HNF4G: variants seen among roughly 807,000 people sequenced by gnomAD.
The protein encoded by HNF4G is hepatocyte nuclear factor 4 gamma.
In HNF4G, 21 loss-of-function variants were observed where a neutral mutation model predicts 50.9. The ratio of observed to expected loss-of-function variants is 0.41; its 90% CI spans 0.29 to 0.59. The LOEUF (loss-of-function observed/expected upper bound fraction) is 0.59, where lower values mean the gene tolerates loss of function less well. Ranked by LOEUF, HNF4G falls within the 20% of genes least tolerant of loss-of-function variation. The pLI, the probability that HNF4G is intolerant of heterozygous loss-of-function variation, is 0.26. For synonymous variants in HNF4G, 198 were observed against 185.6 expected (o/e 1.07, Z -0.54); for missense variants, 527 against 559.4 (o/e 0.94, Z 0.58).
intron 1 of HNF4G, among the ~76,000 whole-genome samples, chr8:75,444,926 G>A (rs1165290777): frequency 0.011 from 1,541 of 137,046 alleles, 10 homozygotes; most frequent in African/African-American, 0.034. Context: ...GCACCAAGCG[G>A]ACCTAATAGA....
chr8:75,516,726 T>G (rs1805897775), intron 2 of HNF4G, among the ~76,000 whole-genome samples: 1 of 152,226 alleles, frequency 6.6e-6, no homozygotes, highest in African/African-American at 2.4e-5. Context: ...TCATATATTT[T>G]GTAGCTCTTT....
intron 2 of HNF4G, among the ~76,000 whole-genome samples, chr8:75,525,369 C>T (rs138010560): frequency 0.011 from 1,665 of 152,224 alleles, 26 homozygotes; most frequent in African/African-American, 0.037. Context: ...GGGGTTTCAC[C>T]GCGTTAGCCA....
chr8:75,456,609 G>A (rs906264419), intron 1 of HNF4G, among the ~76,000 whole-genome samples: 1 of 151,986 alleles, frequency 6.6e-6, no homozygotes, highest in Non-Finnish European at 1.5e-5. Context: ...GAAAGGGTGA[G>A]AATGATAGTC....
intron 2 of HNF4G, among the ~76,000 whole-genome samples, chr8:75,519,098 A>T (rs1197386878): frequency 1.3e-5 from 2 of 152,166 alleles, no homozygotes; most frequent in African/African-American, 4.8e-5. Flanking sequence ...GGTGCCATAG[A>T]TCATTTCTCT....
chr8:75,456,054 A>G (rs1024804815), intron 1 of HNF4G, among the ~76,000 whole-genome samples: 2 of 152,176 alleles, frequency 1.3e-5, no homozygotes, highest in Non-Finnish European at 2.9e-5. Context: ...GAGATCTGTA[A>G]AGAACACTTC....
intron 1 of HNF4G, among the ~76,000 whole-genome samples, chr8:75,436,220 C>T (rs1811133116): frequency 6.6e-6 from 1 of 152,056 alleles, no homozygotes; most frequent in Non-Finnish European, 1.5e-5. Context: ...CAGTTTTACT[C>T]AAATTGGTTT....
At chr8:75,497,647 G>A (rs113306916) in intron 2 of HNF4G, among the ~76,000 whole-genome samples, 3,303 of 151,278 alleles carry the variant, frequency 0.022, 128 homozygotes, top group African/African-American at 0.076. Context: ...TCATGCCACC[G>A]CACTCCAGCC....
intron 1 of HNF4G, among the ~76,000 whole-genome samples, chr8:75,489,122 C>T (rs72660022): frequency 1.2e-4 from 19 of 152,042 alleles, no homozygotes; most frequent in Admixed American, 5.9e-4. Flanking sequence ...GTTGGAGCCA[C>T]GCATATATTC....
chr8:75,455,020 A>G (rs1049589279), intron 1 of HNF4G, among the ~76,000 whole-genome samples: 5 of 152,214 alleles, frequency 3.3e-5, no homozygotes, highest in Non-Finnish European at 1.5e-5. Flanking sequence ...AAATTAAGAT[A>G]AAGGTTTTTA....
At position 75,563,978 on chromosome 8, in the gene HNF4G, C is replaced by G; in HGVS notation, c.1250C>G (p.Thr417Ser). The G allele has an allele frequency of 2.5e-6, 4 of 1,612,984 alleles. No individual in the cohort carries two copies. Among genetic ancestry groups the G allele is most frequent in the Non-Finnish European group, 2.5e-6 (3 of 1,179,394 alleles). ...CAATTCTCTGATTCTTTTTCAGCAA[C>G]TCCTGAAACCCCACTCCCTTCCCCA... ...STLVHADQIS[T>S]PETPLPSPPQ... Residue 417 changes from threonine to serine, a missense_variant, in exon 10 of 10, where the codon ACT (threonine) becomes AGT (serine). Physicochemically the swap from Thr to Ser is moderately conservative, Grantham distance 58. This residue lies in a region of HNF4G where 308 missense variants were observed against 301.5 expected (regional missense o/e 1.02). Transcript: ENST00000396423.
intron 1 of HNF4G, among the ~76,000 whole-genome samples, chr8:75,487,355 A>G (rs528388374): frequency 2.0e-5 from 3 of 152,200 alleles, no homozygotes; most frequent in Non-Finnish European, 4.4e-5. Context: ...TTGATCTTTT[A>G]TATTTGTTAT....
intron 1 of HNF4G, among the ~76,000 whole-genome samples, chr8:75,480,578 G>T (rs1336771764): frequency 6.6e-6 from 1 of 152,074 alleles, no homozygotes; most frequent in African/African-American, 2.4e-5. Flanking sequence ...TATTTTCCAT[G>T]AACCTTGCCA....
At chr8:75,415,085 A>G (rs1487153194) in intron 1 of HNF4G, among the ~76,000 whole-genome samples, 1 of 152,208 alleles carries the variant, frequency 6.6e-6, no homozygotes, top group Non-Finnish European at 1.5e-5. Flanking sequence ...AAGATATTTC[A>G]TTGTGATTTT....
chr8:75,553,551 T>C (rs1807029055), intron 5 of HNF4G, among the ~76,000 whole-genome samples: 1 of 152,024 alleles, frequency 6.6e-6, no homozygotes, highest in South Asian at 2.1e-4. Context: ...AAGCAAATGG[T>C]GGATGTTGTG....
chr8:75,494,452 G>A, intron 2 of HNF4G, among the ~76,000 whole-genome samples: 1 of 151,524 alleles, frequency 6.6e-6, no homozygotes, highest in East Asian at 2.1e-4. Context: ...CATTAATAAG[G>A]TCTTTTATTA....
At chr8:75,531,205 A>T (rs1272913391) in intron 2 of HNF4G, among the ~76,000 whole-genome samples, 1 of 152,212 alleles carries the variant, frequency 6.6e-6, no homozygotes, top group Non-Finnish European at 1.5e-5. Flanking sequence ...TAAAGGAATA[A>T]AGAAAAAACA....
At chr8:75,551,142 T>A (rs1806940424) in intron 3 of HNF4G, among the ~76,000 whole-genome samples, 2 of 152,144 alleles carry the variant, frequency 1.3e-5, no homozygotes, top group South Asian at 4.1e-4. Flanking sequence ...CGGAACTGGC[T>A]GACCCAACAC....
At chr8:75,420,900 C>T (rs936420307) in intron 1 of HNF4G, among the ~76,000 whole-genome samples, 7 of 152,156 alleles carry the variant, frequency 4.6e-5, no homozygotes, top group East Asian at 1.9e-4. Flanking sequence ...AATTACATGA[C>T]GTAATTATTT....
At chr8:75,510,760 TA>T (rs1805728837) in intron 2 of HNF4G, among the ~76,000 whole-genome samples, 1 of 152,164 alleles carries the variant, frequency 6.6e-6, no homozygotes, top group Admixed American at 6.5e-5. Flanking sequence ...TGAAATTGCC[TA>T]ACAATGCATT....
Sources: gnomAD v4.1 joint callset for allele counts (sites outside exome capture counted in the v4.1 genomes callset) on GRCh38, gnomAD v4.1.1 for gene constraint, gnomAD v4.1.1 regional missense constraint, MANE v1.5 for transcripts, NCBI Gene and HGNC (gene_info 2026-07-23, HGNC 2026-07-21) for gene names.